The following ATG5 variants were observed in gnomAD, a reference collection of about 807,000 sequenced individuals.
ATG5 encodes the protein autophagy protein 5.
Under a neutral mutation model 36.5 loss-of-function variants are expected in ATG5, and 14 were observed. That is an observed-to-expected ratio of 0.38 (90% CI 0.25 to 0.60). The LOEUF is 0.60. Ranked by LOEUF, ATG5 falls within the 20% of genes least tolerant of loss-of-function variation. ATG5 has a pLI of 0.60. For missense variants in ATG5, 195 were observed against 326.7 expected (o/e 0.60, Z 3.11); for synonymous variants, 95 against 101.5 (o/e 0.94, Z 0.38).
chr6:106,213,696 T>G (rs1461560092), intron 6 of ATG5, among the ~76,000 whole-genome samples: 2 of 152,180 alleles, frequency 1.3e-5, no homozygotes, highest in African/African-American at 4.8e-5. Context: ...AACAAAGGTT[T>G]GGTTGGAATC....
intron 7 of ATG5, among the ~76,000 whole-genome samples, chr6:106,186,995 C>A (rs1775798428): frequency 6.6e-6 from 1 of 152,028 alleles, no homozygotes; most frequent in East Asian, 1.9e-4. Context: ...TACCAATGAC[C>A]AAAATTTATT....
intron 1 of ATG5, among the ~76,000 whole-genome samples, chr6:106,324,286 G>T (rs900213651): frequency 7.2e-5 from 11 of 152,132 alleles, no homozygotes; most frequent in African/African-American, 2.7e-4. Context: ...CAGCATTTAA[G>T]TTGTATTGCG....
chr6:106,261,324 GAGA>G (rs1166221593), intron 5 of ATG5, among the ~76,000 whole-genome samples: 1 of 152,200 alleles, frequency 6.6e-6, no homozygotes. Context: ...AGTTTGCAAT[GAGA>G]AGTTTACATA....
rs373794853 is a variant in ATG5, at chr6:106,316,165, C to T, written c.44G>A (p.Arg15Gln). The stretch of plus-strand genomic sequence containing the variant: ...ATATAGCGTGAAACAAGTTGGAATT[C>T]GTCCAAACCACACATCTCGAAGCAC... ...KDVLRDVWFGRIPTCFTLYQD... is the reference protein window; with the variant it reads ...KDVLRDVWFGQIPTCFTLYQD... Residue 15 changes from arginine (R) to glutamine (Q), a missense_variant, in exon 2 of 8, where the codon CGA (arginine) becomes CAA (glutamine). Arg to Gln is a conservative substitution (Grantham distance 43). Coordinates refer to ENST00000369076, the MANE Select transcript of ATG5 (RefSeq NM_004849.4). 4 of 1,613,510 alleles carry T rather than the reference C, an allele frequency of 2.5e-6. No homozygotes were observed. The highest frequency in any genetic ancestry group is 1.3e-5 in the African/African-American group (1 of 74,870).
At chr6:106,216,664 T>C (rs909759304) in intron 6 of ATG5, among the ~76,000 whole-genome samples, 1 of 152,198 alleles carries the variant, frequency 6.6e-6, no homozygotes, top group African/African-American at 2.4e-5. Context: ...ACGGGAATGG[T>C]TGCACAACTC....
At chr6:106,218,379 A>C (rs1362945241) in intron 6 of ATG5, among the ~76,000 whole-genome samples, 2 of 152,220 alleles carry the variant, frequency 1.3e-5, no homozygotes, top group Admixed American at 6.5e-5. Context: ...AGTTAAATGA[A>C]ATCTTCCTTA....
chr6:106,298,070 T>C (rs1365492072), intron 3 of ATG5, among the ~76,000 whole-genome samples: 1 of 151,504 alleles, frequency 6.6e-6, no homozygotes, highest in African/African-American at 2.4e-5. Context: ...GTTCAAGCGA[T>C]TCTCCTGCCT....
At chr6:106,281,714 AGAGT>A (rs1779886032) in intron 4 of ATG5, among the ~76,000 whole-genome samples, 1 of 152,230 alleles carries the variant, frequency 6.6e-6, no homozygotes, top group African/African-American at 2.4e-5. Context: ...GCTGGGTCAT[AGAGT>A]AAGTGTATGT....
intron 2 of ATG5, among the ~76,000 whole-genome samples, chr6:106,314,018 G>C (rs941646095): frequency 2.6e-5 from 4 of 152,164 alleles, no homozygotes; most frequent in Non-Finnish European, 4.4e-5. Flanking sequence ...GTTTCTCTGG[G>C]TGAAGAATTA....
intron 6 of ATG5, among the ~76,000 whole-genome samples, chr6:106,235,984 C>G (rs1021567733): frequency 6.6e-6 from 1 of 152,150 alleles, no homozygotes; most frequent in Non-Finnish European, 1.5e-5. Flanking sequence ...CTGGTTGGGT[C>G]CATCTCTACT....
At chr6:106,263,878 G>GAAAAAAAAAAAAAAAAAAGAA (rs201259155) in intron 5 of ATG5, among the ~76,000 whole-genome samples, 1 of 128,706 alleles carries the variant, frequency 7.8e-6, no homozygotes. Flanking sequence ...CACAAAGATG[G>GAAAAAAAAAAAAAAAAAAGAA]AAAAAAAAAA....
intron 4 of ATG5, among the ~76,000 whole-genome samples, chr6:106,289,328 A>G (rs1225408265): frequency 6.6e-6 from 1 of 152,172 alleles, no homozygotes; most frequent in Non-Finnish European, 1.5e-5. Context: ...GCTATCAATT[A>G]AACATGTGAA....
chr6:106,250,645 T>C (rs1778537912), intron 5 of ATG5, among the ~76,000 whole-genome samples: 1 of 152,236 alleles, frequency 6.6e-6, no homozygotes. Context: ...ATGTGACAGC[T>C]AAATATAATG....
At chr6:106,294,964 A>G (rs1315833173) in intron 3 of ATG5, among the ~76,000 whole-genome samples, 1 of 152,002 alleles carries the variant, frequency 6.6e-6, no homozygotes, top group Non-Finnish European at 1.5e-5. Context: ...TTTCTCTCTA[A>G]TCAATCCTTT....
At position 106,185,746 on chromosome 6, in the gene ATG5, C is replaced by T. The variant is rs888493133; in HGVS notation, c.*794G>A. ...TTATACGTGTAGTGTGTAAAGAACA[C>T]AGGTTTTTTAATTGGCAGCAAGAAA... On this transcript the variant is annotated 3_prime_UTR_variant, in exon 8 of 8. Coordinates refer to ENST00000369076, the MANE Select transcript of ATG5 (RefSeq NM_004849.4). 3.9e-5 allele frequency: 6 copies of T among 152,276 alleles called. No homozygotes were observed. The highest frequency in any genetic ancestry group is 1.4e-4 in the African/African-American group (6 of 41,422). The allele number at this position is 152,276 out of a possible 1,614,324, so 9.4% of individuals were successfully genotyped here.
intron 6 of ATG5, among the ~76,000 whole-genome samples, chr6:106,202,943 G>A (rs543496942): frequency 2.6e-4 from 39 of 152,254 alleles, no homozygotes; most frequent in African/African-American, 8.2e-4. Context: ...GGTTACAGGC[G>A]TGAGCCAACC....
intron 7 of ATG5, among the ~76,000 whole-genome samples, chr6:106,193,639 TAATA>T (rs1458680735): frequency 1.3e-4 from 20 of 152,316 alleles, no homozygotes; most frequent in Admixed American, 3.3e-4. Context: ...CCTTGTTCAT[TAATA>T]AATACATAAA....
chr6:106,219,873 T>C (rs558971792), intron 6 of ATG5, among the ~76,000 whole-genome samples: 6 of 152,278 alleles, frequency 3.9e-5, no homozygotes, highest in African/African-American at 1.2e-4. Flanking sequence ...TCTACTCAAA[T>C]ACGGTTTCCA....
chr6:106,300,676 C>T (rs373863554), intron 3 of ATG5, among the ~76,000 whole-genome samples: 1 of 152,094 alleles, frequency 6.6e-6, no homozygotes, highest in Non-Finnish European at 1.5e-5. Flanking sequence ...TGTTACTACA[C>T]TGAATACTCT....
Sources: allele counts gnomAD v4.1 joint callset (sites outside exome capture counted in the v4.1 genomes callset), GRCh38; gene constraint gnomAD v4.1.1; transcripts MANE v1.5; gene names NCBI Gene and HGNC (gene_info 2026-07-23, HGNC 2026-07-21).